Variants in MMP7 observed in about 807,000 individuals in gnomAD.
The protein encoded by MMP7 is matrilysin.
Under a neutral mutation model 31.5 loss-of-function variants are expected in MMP7, and 26 were observed. That is an observed-to-expected ratio of 0.83 (90% CI 0.61 to 1.15). The LOEUF is 1.15. Ranked by LOEUF, MMP7 falls within the 50% of genes most tolerant of loss-of-function variation. The pLI is 0.00. For synonymous variants in MMP7, 142 were observed against 124.2 expected (o/e 1.14, Z -0.95); for missense variants, 367 against 326.5 (o/e 1.12, Z -0.96).
intron 3 of MMP7, chr11:102,526,925 G>T (rs531063226): frequency 6.5e-6 from 1 of 154,270 alleles, no homozygotes; most frequent in South Asian, 2.0e-4. Context: ...ATTCAGTATA[G>T]TAACATGCTG....
chr11:102,523,144 G>GT (rs1314434922), intron 5 of MMP7, 96 bp downstream of exon 5: 2 of 955,626 alleles, frequency 2.1e-6, no homozygotes, highest in Non-Finnish European at 3.0e-6. Flanking sequence ...TTCCAGTGTG[G>GT]TTTTCCAGGT....
chr11:102,525,186 G>A, intron 3 of MMP7, 122 bp from the exon 4 acceptor site: 3 of 1,255,560 alleles, frequency 2.4e-6, no homozygotes, highest in Non-Finnish European at 3.2e-6. Context: ...CAGGCATGGT[G>A]GCTCACTTTG....
At chr11:102,527,097 A>T (rs1046837942) in intron 3 of MMP7, 1 of 234,894 alleles carries the variant, frequency 4.3e-6, no homozygotes, top group African/African-American at 2.3e-5. Flanking sequence ...TAAGCAGTGC[A>T]TGACTGTATA....
At position 102,520,858 on chromosome 11, in the gene MMP7, A is replaced by G. The variant is rs1858605471; in HGVS notation, c.776-54T>C. The G allele has an allele frequency of 4.2e-6, 5 of 1,201,000 alleles. No homozygotes were observed. In the South Asian group the frequency reaches 5.2e-5, roughly 13 times the overall value. 74.4% of individuals were successfully genotyped at this position (1,201,000 alleles called of 1,614,324 possible). ...GATATGTAGAAAATGCATAAAAACC[A>G]TCCTAAGATTATACAGGCAAAGGAA... On this transcript the variant is annotated intron_variant, in intron 5 of 5. Coordinates refer to ENST00000260227, the MANE Select transcript of MMP7 (RefSeq NM_002423.5).
In MMP7 at chr11:102,525,061, T is replaced by A; in HGVS notation, c.488A>T (p.His163Leu). 1 of 1,595,402 alleles carries A rather than the reference T, an allele frequency of 6.3e-7. No homozygotes were observed. Among genetic ancestry groups the A allele is most frequent in the Non-Finnish European group, 8.5e-7 (1 of 1,174,612 alleles). Residue 163 changes from histidine to leucine, a missense_variant, in exon 4 of 6, where the codon CAT (histidine) becomes CTT (leucine). Transcript: ENST00000260227. ...DIMIGFARGAHGDSYPFDGPG... is the reference protein window; with the variant it reads ...DIMIGFARGALGDSYPFDGPG... ...CCCATCAAATGGGTAGGAGTCCCCA[T>A]GAGCTGAAAGAAAATGGAGTGATTG...
At position 102,528,702 on chromosome 11, in the gene MMP7, A is replaced by C. The variant is rs532045517; in HGVS notation, c.109-719T>G. 2.6e-5 allele frequency among the ~76,000 whole-genome samples: 4 copies of C among 152,272 alleles called. No individual in the cohort carries two copies. In the South Asian group the frequency reaches 8.3e-4, roughly 32 times the overall value. On this transcript the variant is annotated intron_variant, in intron 1 of 5. Transcript: ENST00000260227. ...GATTGCAGTATACAGTAGGACTCCCAGGTTTATTCCATGCAAGGTTGGATT... is the reference window on the plus strand; with the variant it reads ...GATTGCAGTATACAGTAGGACTCCCCGGTTTATTCCATGCAAGGTTGGATT...
At chr11:102,525,306 A>C (rs1397109178) in intron 3 of MMP7, among the ~76,000 whole-genome samples, 1 of 152,024 alleles carries the variant, frequency 6.6e-6, no homozygotes, top group Admixed American at 6.6e-5. Flanking sequence ...ATGGTGGCAC[A>C]TGCCACCAAG....
At chr11:102,522,726 G>A (rs1027888893) in intron 5 of MMP7, among the ~76,000 whole-genome samples, 1 of 152,184 alleles carries the variant, frequency 6.6e-6, no homozygotes, top group South Asian at 2.1e-4. Context: ...AACCAAAAAA[G>A]CATAGACTGG....
chr11:102,528,570 C>T (rs1370464479), intron 1 of MMP7, among the ~76,000 whole-genome samples: 1 of 152,210 alleles, frequency 6.6e-6, no homozygotes, highest in Non-Finnish European at 1.5e-5. Context: ...AGTAGCAGAA[C>T]TGGACTTGAC....
Position 102,526,221 on chromosome 11 carries a change from A to AT in MMP7, c.485-1158_485-1157insA, listed in dbSNP as rs1298602464. ...CATATAGAAAAACCCACGTAAAAAA[A>AT]AAAAATATATATATATATATTTTTT... On this transcript the variant is annotated intron_variant, in intron 3 of 5. Transcript: ENST00000260227. 1.3e-3 allele frequency among the ~76,000 whole-genome samples: 113 copies of AT among 87,744 alleles called. 3 individuals are homozygous for AT. The highest frequency in any genetic ancestry group is 7.6e-3 in the South Asian group (19 of 2,512). 57.6% of individuals were successfully genotyped at this position (87,744 alleles called of 152,430 possible).
At chr11:102,525,870 C>A (rs17098306) in intron 3 of MMP7, among the ~76,000 whole-genome samples, 8,688 of 150,924 alleles carry the variant, frequency 0.058, 635 homozygotes, top group African/African-American at 0.17. Flanking sequence ...TTTTATAGTC[C>A]TTTAATGTGT....
intron 3 of MMP7, 146 bp downstream of exon 3, chr11:102,527,378 A>G (rs1858683177): frequency 9.8e-7 from 1 of 1,020,738 alleles, no homozygotes; most frequent in Admixed American, 2.5e-5. Context: ...AAAAATTATA[A>G]TAATATTGCT....
chr11:102,527,342 A>ATATTATTATTATATTTAT (rs1858682778), intron 3 of MMP7, 182 bp downstream of exon 3: 2 of 725,412 alleles, frequency 2.8e-6, no homozygotes, highest in Non-Finnish European at 4.4e-6. Flanking sequence ...GCTGCTATAA[A>ATATTATTATTATATTTAT]AAGTGGCTCT....
At chr11:102,521,456 G>T (rs141465949) in intron 5 of MMP7, among the ~76,000 whole-genome samples, 38 of 152,092 alleles carry the variant, frequency 2.5e-4, no homozygotes. Context: ...TTGGCCTCCC[G>T]AAGTGCTGGG....
chr11:102,529,533 A>G (rs1858708963), intron 1 of MMP7, among the ~76,000 whole-genome samples: 1 of 152,218 alleles, frequency 6.6e-6, no homozygotes, highest in South Asian at 2.1e-4. Context: ...ATATAAAACT[A>G]CTGTTTTGGA....
chr11:102,522,640 A>C (rs1858625464), intron 5 of MMP7, among the ~76,000 whole-genome samples: 1 of 152,176 alleles, frequency 6.6e-6, no homozygotes, highest in African/African-American at 2.4e-5. Flanking sequence ...TTCTTTCTCA[A>C]ATACTACTTT....
intron 4 of MMP7, 69 bp downstream of exon 4, chr11:102,524,863 ATAAT>A: frequency 6.7e-7 from 1 of 1,496,386 alleles, no homozygotes; most frequent in Non-Finnish European, 9.0e-7. Context: ...ATAAATTAAT[ATAAT>A]TATTTAACTT....
chr11:102,523,153 G>A (rs866218364), intron 5 of MMP7, 87 bp downstream of exon 5: 3 of 1,086,672 alleles, frequency 2.8e-6, no homozygotes, highest in South Asian at 3.5e-5. Context: ...GGTTTTCCAG[G>A]TAAATACCCA....
rs2135905544 is a variant in MMP7 at position 102,527,563 on chromosome 11, A to G, written c.445T>C (p.Trp149Arg). ...CCAATCATGATGTCAGCAGTTCCCC[A>G]TACAACTTTCCTGAAATGCAGGGGG... The part of the protein sequence containing the change: ...EIPLHFRKVV[W>R]GTADIMIGFA... Residue 149 changes from tryptophan (W) to arginine (R), a missense_variant, in exon 3 of 6, where the codon TGG becomes CGG. Coordinates refer to ENST00000260227, the MANE Select transcript of MMP7 (RefSeq NM_002423.5). 3 of 1,614,186 alleles carry G rather than the reference A, an allele frequency of 1.9e-6. No homozygotes were observed. Among genetic ancestry groups the G allele is most frequent in the Non-Finnish European group, 2.5e-6 (3 of 1,180,024 alleles).
Sources: gnomAD v4.1 joint callset for allele counts (sites outside exome capture counted in the v4.1 genomes callset) on GRCh38, gnomAD v4.1.1 for gene constraint, MANE v1.5 for transcripts, NCBI Gene and HGNC (gene_info 2026-07-23, HGNC 2026-07-21) for gene names.